The following RAPGEF5 variants were observed in gnomAD, a reference collection of about 807,000 sequenced individuals.
The protein encoded by RAPGEF5 is Rap guanine nucleotide exchange factor 5, also known as M-Ras-regulated GEF.
A neutral mutation model predicts 125.2 loss-of-function variants in RAPGEF5; 65 were observed. The observed-to-expected ratio is 0.52, with a 90% confidence interval of 0.43 to 0.64. The LOEUF is 0.64. RAPGEF5 is among the 30% of genes least tolerant of loss of function. The probability of loss-of-function intolerance (pLI) is 0.00; values close to 1 mark genes in which losing one functional copy is unlikely to be tolerated. For missense variants in RAPGEF5, 958 were observed against 1,048.1 expected, an observed-to-expected ratio of 0.91 and a Z score of 1.19; for synonymous variants, 391 against 385.9, an observed-to-expected ratio of 1.01 and a Z score of -0.16.
chr7:22,290,662 G>A (rs1051051598), intron 6 of RAPGEF5, among the ~76,000 whole-genome samples: 1 of 148,960 alleles, frequency 6.7e-6, no homozygotes, highest in Admixed American at 6.7e-5. Flanking sequence ...GGAGAATGGC[G>A]TGAACCCGGG....
chr7:22,273,211 A>ATTTTTT (rs71026869), intron 6 of RAPGEF5, among the ~76,000 whole-genome samples: 8 of 96,596 alleles, frequency 8.3e-5, no homozygotes, highest in East Asian at 3.3e-4. Flanking sequence ...ACTTAGGAGT[A>ATTTTTT]TTTTTTTTTT....
At chr7:22,253,863 GGTAAAGTCTAATATGGTGCTAC>G (rs1786683244) in intron 7 of RAPGEF5, among the ~76,000 whole-genome samples, 1 of 151,924 alleles carries the variant, frequency 6.6e-6, no homozygotes, top group South Asian at 2.1e-4. Flanking sequence ...AAAGGATCAA[GGTAAAGTCTAATATGGTGCTAC>G]GTTAAAAGAA....
chr7:22,300,495 A>G (rs1487193543), intron 5 of RAPGEF5, among the ~76,000 whole-genome samples: 2 of 152,180 alleles, frequency 1.3e-5, no homozygotes, highest in Non-Finnish European at 2.9e-5. Context: ...TTTTGTGTCA[A>G]GTAATTCTGT....
intron 1 of RAPGEF5, among the ~76,000 whole-genome samples, chr7:22,319,885 C>G (rs939620181): frequency 6.6e-6 from 1 of 151,644 alleles, no homozygotes. Flanking sequence ...GGCATTTTCA[C>G]AAAAGAAAAC....
intron 7 of RAPGEF5, among the ~76,000 whole-genome samples, chr7:22,251,099 G>C (rs762855294): frequency 1.2e-4 from 19 of 152,144 alleles, no homozygotes; most frequent in South Asian, 2.1e-4. Flanking sequence ...CATGATTTTA[G>C]CCATTAAAGT....
intron 3 of RAPGEF5, among the ~76,000 whole-genome samples, chr7:22,311,153 G>A (rs1783461252): frequency 6.6e-6 from 1 of 152,106 alleles, no homozygotes; most frequent in African/African-American, 2.4e-5. Context: ...AGCCTCCTGA[G>A]TAGCTAGGAG....
intron 1 of RAPGEF5, among the ~76,000 whole-genome samples, chr7:22,320,988 T>C (rs1401471558): frequency 6.6e-6 from 1 of 152,144 alleles, no homozygotes; most frequent in Non-Finnish European, 1.5e-5. Flanking sequence ...ATGCCCAAAG[T>C]GATGATTCCT....
intron 7 of RAPGEF5, among the ~76,000 whole-genome samples, chr7:22,248,753 G>A (rs1038044114): frequency 2.0e-5 from 3 of 152,116 alleles, no homozygotes; most frequent in African/African-American, 4.8e-5. Context: ...TTCTACCTCC[G>A]GAACTAGGAG....
chr7:22,255,384 C>G (rs762335911), intron 7 of RAPGEF5, among the ~76,000 whole-genome samples: 1 of 151,942 alleles, frequency 6.6e-6, no homozygotes, highest in Non-Finnish European at 1.5e-5. Flanking sequence ...AGCCCAGGAG[C>G]TTGAGACCAG....
At chr7:22,273,565 T>C (rs769594056) in intron 6 of RAPGEF5, among the ~76,000 whole-genome samples, 1 of 152,226 alleles carries the variant, frequency 6.6e-6, no homozygotes, top group Non-Finnish European at 1.5e-5. Flanking sequence ...TGCAAACAAA[T>C]ATGCATGTTA....
chr7:22,281,114 C>T (rs1782663756), intron 6 of RAPGEF5, among the ~76,000 whole-genome samples: 1 of 152,188 alleles, frequency 6.6e-6, no homozygotes, highest in African/African-American at 2.4e-5. Context: ...CTCTTGCTCT[C>T]TAAACACAAG....
chr7:22,328,903 C>T (rs924442474), intron 1 of RAPGEF5, among the ~76,000 whole-genome samples: 1 of 152,336 alleles, frequency 6.6e-6, no homozygotes, highest in African/African-American at 2.4e-5. Context: ...GATCTTCAGA[C>T]TGAAGCAACC....
At chr7:22,178,999 C>G (rs929197891) in intron 11 of RAPGEF5, among the ~76,000 whole-genome samples, 1 of 152,172 alleles carries the variant, frequency 6.6e-6, no homozygotes, top group Non-Finnish European at 1.5e-5. Flanking sequence ...GTCTTAGAAA[C>G]TCTTGTGTTA....
intron 11 of RAPGEF5, among the ~76,000 whole-genome samples, chr7:22,188,534 AG>A (rs1562750383): frequency 6.6e-6 from 1 of 152,088 alleles, no homozygotes; most frequent in Non-Finnish European, 1.5e-5. Context: ...TGGGAGGCCA[AG>A]GTGGGTGGAT....
intron 21 of RAPGEF5, among the ~76,000 whole-genome samples, chr7:22,138,762 C>A (rs1047386025): frequency 6.6e-6 from 1 of 152,224 alleles, no homozygotes; most frequent in Non-Finnish European, 1.5e-5. Flanking sequence ...GCAGTCAATG[C>A]GCAGATTAAA....
rs114531187 is a variant in RAPGEF5 at position 22,326,824 on chromosome 7, T to C, written c.232-8787A>G. ...AGCACCTATGGTTAACAACACTGTA[T>C]TGCACACTTAAAAAGTCTGCTGAGA... On this transcript the variant is annotated intron_variant, in intron 1 of 25. Coordinates refer to ENST00000665637, the MANE Select transcript of RAPGEF5 (RefSeq NM_012294.5). 2.5e-3 allele frequency among the ~76,000 whole-genome samples: 387 copies of C among 152,326 alleles called. 1 individual carries two copies. The highest frequency in any genetic ancestry group is 8.8e-3 in the African/African-American group (364 of 41,566).
chr7:22,241,409 G>A (rs1786328014), intron 7 of RAPGEF5, among the ~76,000 whole-genome samples: 1 of 152,038 alleles, frequency 6.6e-6, no homozygotes, highest in African/African-American at 2.4e-5. Context: ...GAGGGGGCAG[G>A]GGCAGTCCAA....
At chr7:22,270,579 T>C (rs1188632473) in intron 6 of RAPGEF5, among the ~76,000 whole-genome samples, 1 of 152,178 alleles carries the variant, frequency 6.6e-6, no homozygotes. Context: ...TTTTATCCAA[T>C]GAGGATACAA....
intron 11 of RAPGEF5, among the ~76,000 whole-genome samples, chr7:22,181,165 T>C (rs1424064621): frequency 6.6e-6 from 1 of 152,108 alleles, no homozygotes; most frequent in Non-Finnish European, 1.5e-5. Flanking sequence ...ACATACGACA[T>C]GACAGTAAAT....
Sources: gnomAD v4.1 joint callset for allele counts (sites outside exome capture counted in the v4.1 genomes callset) on GRCh38, gnomAD v4.1.1 for gene constraint, MANE v1.5 for transcripts, NCBI Gene and HGNC (gene_info 2026-07-23, HGNC 2026-07-21) for gene names.